Variants in EIF4G1 observed in about 807,000 individuals in gnomAD.
The protein encoded by EIF4G1 is EIF4-gamma.
In EIF4G1, 4 loss-of-function variants were observed where a neutral mutation model predicts 187.8. The ratio of observed to expected loss-of-function variants is 0.02; its 90% confidence interval spans 0.01 to 0.05. The LOEUF (loss-of-function observed/expected upper bound fraction) is 0.05, where lower values mean the gene tolerates loss of function less well. EIF4G1 is among the 10% of genes least tolerant of loss of function. The pLI is 1.00. For missense variants in EIF4G1, 1,647 were observed against 2,081.1 expected, an observed-to-expected ratio of 0.79 and a Z score of 4.06; for synonymous variants, 844 against 781.4, an observed-to-expected ratio of 1.08 and a Z score of -1.34.
At chr3:184,321,178 A>T in intron 9 of EIF4G1, 104 bp from the exon 10 acceptor site, 1 of 1,529,614 alleles carries the variant, frequency 6.5e-7, no homozygotes, top group Non-Finnish European at 9.0e-7. Flanking sequence ...GGAGAAGATG[A>T]TGCGGGGTTA....
chr3:184,316,751 A>G (rs888793821), intron 4 of EIF4G1: 7 of 1,595,434 alleles, frequency 4.4e-6, no homozygotes, highest in Non-Finnish European at 5.9e-6. Context: ...CCCTTTCCCA[A>G]CCCTGGACAG....
rs1457692183 is a variant in EIF4G1, at chr3:184,322,320, A to G, written c.1520-42A>G. 1.9e-6 allele frequency: 3 copies of G among 1,589,826 alleles called. No individual in the cohort carries two copies. In the African/African-American group the frequency reaches 4.1e-5, roughly 22 times the overall value. On this transcript the variant is annotated intron_variant, in intron 10 of 32. Coordinates refer to ENST00000346169, the MANE Select transcript of EIF4G1 (RefSeq NM_198241.3). Reference sequence around the variant, plus strand: ...AGGGATTAAGGGTACTCCTTAAATTATTGGCAAAGATCCATGCTTTTATTT... The same window carrying G: ...AGGGATTAAGGGTACTCCTTAAATTGTTGGCAAAGATCCATGCTTTTATTT...
rs750078814 is a variant in EIF4G1, at chr3:184,331,429, G to A, written c.4261-43G>A. 4.3e-6 allele frequency: 7 copies of A among 1,614,076 alleles called. No homozygotes were observed. The African/African-American group carries it at 9.3e-5, about 22-fold the overall frequency. On this transcript the variant is annotated intron_variant, in intron 29 of 32. Coordinates refer to ENST00000346169, the MANE Select transcript of EIF4G1 (RefSeq NM_198241.3). The stretch of plus-strand genomic sequence containing the variant: ...TGGCCAGTCTTCTTTCTTGTCTCCT[G>A]TTGGCAACCTTACCTCTTAACTGCG...
At chr3:184,319,918 C>G in intron 7 of EIF4G1, 117 bp downstream of exon 7, 1 of 778,494 alleles carries the variant, frequency 1.3e-6, no homozygotes. Context: ...TGAGAGTGGG[C>G]AGAGAATGGT....
chr3:184,321,297 G>A lies in EIF4G1; in HGVS notation c.713G>A (p.Gly238Glu), dbSNP rs1252054145. ...TATGGTGCAGATGACCGGTCACAGG[G>A]AGCAATCATTGCTGACCGGCCAGGG... is the stretch of plus-strand genomic sequence containing the variant. Reference protein sequence around the residue: ...VIVRPDDRSQGAIIADRPGLP... With the variant: ...VIVRPDDRSQEAIIADRPGLP... Residue 238 changes from glycine (G) to glutamate (E), a missense_variant, in exon 10 of 33, where the codon GGA becomes GAA. Physicochemically the swap from Gly to Glu is moderately conservative, Grantham distance 98 (BLOSUM62 -2). Around this residue, in one of 11 missense-constraint regions of EIF4G1, gnomAD observed 522 missense variants for 485.2 expected, o/e 1.08. Transcript: ENST00000346169. 6.2e-7 allele frequency: 1 copy of A among 1,614,110 alleles called. No individual in the cohort carries two copies. The highest frequency in any genetic ancestry group is 8.5e-7 in the Non-Finnish European group (1 of 1,180,022).
chr3:184,328,415 G>C (rs886759852), intron 26 of EIF4G1: 3 of 711,102 alleles, frequency 4.2e-6, no homozygotes, highest in African/African-American at 3.5e-5. Flanking sequence ...AAACAGTATG[G>C]GTTCCTTGAC....
chr3:184,321,180 G>T, intron 9 of EIF4G1, 102 bp from the exon 10 acceptor site: 1 of 1,535,994 alleles, frequency 6.5e-7, no homozygotes, highest in Non-Finnish European at 9.0e-7. Flanking sequence ...AGAAGATGAT[G>T]CGGGGTTATT....
At position 184,331,721 on chromosome 3, in the gene EIF4G1, C is replaced by G; in HGVS notation, c.4396-7C>G. ...GAATCTGGGGATCATTTGTTTCTCC[C>G]ATACAGGCCAACCTGAGTGAGCAGC... On this transcript the variant is annotated splice_polypyrimidine_tract_variant and splice_region_variant and intron_variant, in intron 30 of 32. Coordinates refer to ENST00000346169, the MANE Select transcript of EIF4G1 (RefSeq NM_198241.3). The G allele has an allele frequency of 6.2e-7, 1 of 1,614,176 alleles. No homozygotes were observed. The highest frequency in any genetic ancestry group is 1.3e-5 in the African/African-American group (1 of 75,050).
At chr3:184,316,487 C>T (rs1477041709) in intron 4 of EIF4G1, among the ~76,000 whole-genome samples, 1 of 152,172 alleles carries the variant, frequency 6.6e-6, no homozygotes, top group Non-Finnish European at 1.5e-5. Flanking sequence ...CTCTTGCTTT[C>T]CTATTTGCTC....
chr3:184,334,991 A>AGCG lies in EIF4G1; in HGVS notation c.*88_*90dup. 6.4e-7 allele frequency: 1 copy of AGCG among 1,569,782 alleles called. No individual in the cohort carries two copies. Among genetic ancestry groups the AGCG allele is most frequent in the East Asian group, 2.3e-5 (1 of 43,808 alleles). On this transcript the variant is annotated 3_prime_UTR_variant, in exon 33 of 33. Coordinates refer to ENST00000346169, the MANE Select transcript of EIF4G1 (RefSeq NM_198241.3). The surrounding 1 kb of genome is among the most constrained non-coding windows in gnomAD (Gnocchi z 5.8). ...GCCTGGACTGCAGGGGGGCGGCAGC[A>AGCG]GCGGCGGTGGCAGTGGGTGCCTGTA...
At chr3:184,319,326 G>A (rs749361230) in intron 6 of EIF4G1, 10 of 321,576 alleles carry the variant, frequency 3.1e-5, no homozygotes, top group Non-Finnish European at 4.9e-5. Flanking sequence ...TGTTGATAGC[G>A]GGTGGGGTAC....
intron 32 of EIF4G1, among the ~76,000 whole-genome samples, chr3:184,332,914 A>T (rs1726412189): frequency 6.6e-6 from 1 of 152,236 alleles, no homozygotes; most frequent in Non-Finnish European, 1.5e-5. Flanking sequence ...CTGGGGCTTT[A>T]GCCTGGGGGC....
intron 28 of EIF4G1, among the ~76,000 whole-genome samples, chr3:184,330,250 G>A (rs1330611724): frequency 2.6e-5 from 4 of 152,078 alleles, no homozygotes; most frequent in African/African-American, 9.7e-5. Context: ...ATGGTGGTGC[G>A]CACCTGTAGT....
At chr3:184,320,744 A>T in intron 8 of EIF4G1, 22 bp downstream of exon 8, 4 of 1,614,094 alleles carry the variant, frequency 2.5e-6, no homozygotes, top group Non-Finnish European at 3.4e-6. Context: ...TTTTCGAGTG[A>T]TACCCTGGCT....
In EIF4G1 at chr3:184,335,205, CT is replaced by C. The variant is rs142483258; in HGVS notation, c.*305del. On this transcript the variant is annotated 3_prime_UTR_variant, in exon 33 of 33. Coordinates refer to ENST00000346169, the MANE Select transcript of EIF4G1 (RefSeq NM_198241.3). The stretch of plus-strand genomic sequence containing the variant: ...GGCACCAACGCCTGCCCCTGGGGTC[CT>C]TTTTTTTATTTTCTGAAAATCACTC... The C allele has an allele frequency of 1.9e-4, 74 of 382,322 alleles. No homozygotes were observed. The highest frequency in any genetic ancestry group is 2.2e-4 in the Non-Finnish European group (45 of 206,756). The allele number at this position is 382,322 out of a possible 1,614,324, so 23.7% of individuals were successfully genotyped here. A position where few individuals can be genotyped will look rare whatever the true frequency, so the allele number is the denominator to read the frequency against.
At chr3:184,328,777 T>A (rs747669780) in intron 27 of EIF4G1, 21 bp downstream of exon 27, 1 of 1,613,994 alleles carries the variant, frequency 6.2e-7, no homozygotes, top group South Asian at 1.1e-5. Context: ...CTGGGTGGAA[T>A]TCAGGGGAGG....
rs1369388719 is a variant in EIF4G1 at position 184,324,760 on chromosome 3, C to T, written c.2620-118C>T. On this transcript the variant is annotated intron_variant, in intron 17 of 32. Transcript: ENST00000346169. ...GATTACAGGCATGAGCCACTATGCC[C>T]AGCCAGCCGGCCTCAGGACTGAGTG... 4 of 1,157,808 alleles carry T rather than the reference C, an allele frequency of 3.5e-6. No homozygotes were observed. In the African/African-American group the frequency reaches 4.5e-5, roughly 13 times the overall value. The allele number at this position is 1,157,808 out of a possible 1,614,324, so 71.7% of individuals were successfully genotyped here. A position where few individuals can be genotyped will look rare whatever the true frequency, so the allele number is the denominator to read the frequency against.
In EIF4G1 at chr3:184,323,665, C is replaced by G. The variant is rs920882303; in HGVS notation, c.2274+72C>G. 6.2e-7 allele frequency: 1 copy of G among 1,610,914 alleles called. No individual in the cohort carries two copies. Among genetic ancestry groups the G allele is most frequent in the East Asian group, 2.2e-5 (1 of 44,870 alleles). On this transcript the variant is annotated intron_variant, in intron 15 of 32. Coordinates refer to ENST00000346169, the MANE Select transcript of EIF4G1 (RefSeq NM_198241.3). The surrounding 1 kb of genome is among the most constrained non-coding windows in gnomAD (Gnocchi z 6.9). ...TCTGCCATCTGTGCCCTCTTTGCTTCTTTTTGTCCTTATCACTAGCATCTG... is the reference window on the plus strand; with the variant it reads ...TCTGCCATCTGTGCCCTCTTTGCTTGTTTTTGTCCTTATCACTAGCATCTG...
intron 1 of EIF4G1, 189 bp from the exon 2 acceptor site, chr3:184,315,300 G>T: frequency 2.1e-6 from 1 of 479,258 alleles, no homozygotes; most frequent in Non-Finnish European, 4.2e-6. Flanking sequence ...CCGGCGGCAG[G>T]CGTATCCTGT....
Sources: gnomAD v4.1 joint callset for allele counts (sites outside exome capture counted in the v4.1 genomes callset) on GRCh38, gnomAD v4.1.1 for gene constraint, gnomAD v4.1.1 regional missense constraint, Gnocchi (gnomAD v3.1) non-coding constraint, MANE v1.5 for transcripts, NCBI Gene and HGNC (gene_info 2026-07-23, HGNC 2026-07-21) for gene names.